The following SDF2 variants were observed in gnomAD, a reference collection of about 807,000 sequenced individuals.
The protein encoded by SDF2 is stromal cell derived factor 2, also known as stromal cell-derived factor 2.
Under a neutral mutation model 20.5 loss-of-function variants are expected in SDF2, and 12 were observed. That is an observed-to-expected ratio of 0.58 (90% CI 0.37 to 0.95). The LOEUF (loss-of-function observed/expected upper bound fraction) is 0.95. SDF2 is among the 40% of genes least tolerant of loss of function. The pLI is 0.01. For synonymous variants in SDF2, 100 were observed against 101.0 expected (o/e 0.99, Z 0.06); for missense variants, 238 against 263.1 (o/e 0.90, Z 0.66).
Position 28,655,418 on chromosome 17 carries a change from G to A in SDF2, c.217C>T (p.Arg73Trp), listed in dbSNP as rs1050769710. The A allele has an allele frequency of 1.5e-5, 25 of 1,613,934 alleles. No individual in the cohort carries two copies. Among genetic ancestry groups the A allele is most frequent in the Non-Finnish European group, 1.9e-5 (23 of 1,179,956 alleles). ...TCACACACTGTGGCACTCTTCCCCCGTATCCTCCAGTAACTGTTGCTGTCA... is the reference window on the plus strand; with the variant it reads ...TCACACACTGTGGCACTCTTCCCCCATATCCTCCAGTAACTGTTGCTGTCA... ...VDDSNSYWRI[R>W]GKSATVCERG... The change falls in exon 2 of 3, where the codon CGG (arginine) becomes TGG (tryptophan). Residue 73 changes from arginine (R) to tryptophan (W), a missense_variant. Transcript: ENST00000247020.
chr17:28,652,952 G>C (rs2071927473), intron 2 of SDF2, among the ~76,000 whole-genome samples: 1 of 152,006 alleles, frequency 6.6e-6, no homozygotes, highest in Admixed American at 6.6e-5. Flanking sequence ...TTATAACGAA[G>C]TATAAACTAT....
chr17:28,648,541 T>C lies in SDF2; in HGVS notation c.*448A>G, dbSNP rs1273232413. On this transcript the variant is annotated 3_prime_UTR_variant, in exon 3 of 3. Coordinates refer to ENST00000247020, the MANE Select transcript of SDF2 (RefSeq NM_006923.4). ...CCAAAGAGTCTTAGGACTCAAAGGA[T>C]TAAGCAGCTAATGAAATAGCACACC... The C allele has an allele frequency of 5.6e-6, 1 of 177,808 alleles. No individual in the cohort carries two copies. Among genetic ancestry groups the C allele is most frequent in the African/African-American group, 2.4e-5 (1 of 42,028 alleles). 11.0% of individuals were successfully genotyped at this position (177,808 alleles called of 1,614,324 possible).
At chr17:28,655,951 G>A (rs775804417) in intron 1 of SDF2, 1 of 160,516 alleles carries the variant, frequency 6.2e-6, no homozygotes, top group Non-Finnish European at 1.4e-5. Flanking sequence ...TTCAGGCCAA[G>A]GATGTGACTG....
chr17:28,656,421 T>G (rs1340259171), intron 1 of SDF2: 1 of 151,724 alleles, frequency 6.6e-6, no homozygotes, highest in African/African-American at 2.4e-5. Flanking sequence ...AAACCCATCT[T>G]TACTAAAAAT....
In SDF2 at chr17:28,650,829, A is replaced by C. The variant is rs1175753212; in HGVS notation, c.349-1553T>G. ...AAAAAAAAAAAAAAAAAAAAAAAAA[A>C]AACAGTTAGGGTATCTTGCTCTGTT... On this transcript the variant is annotated intron_variant, in intron 2 of 2. Transcript: ENST00000247020. Among the ~76,000 whole-genome samples the C allele has an allele frequency of 3.3e-5, 5 of 151,520 alleles. No homozygotes were observed. In the East Asian group the frequency reaches 9.7e-4, roughly 29 times the overall value.
At position 28,657,364 on chromosome 17, in the gene SDF2, T is replaced by C. The variant is rs11657875; in HGVS notation, c.152-1881A>G. 8.1e-3 allele frequency among the ~76,000 whole-genome samples: 1,234 copies of C among 152,040 alleles called. 5 individuals are homozygous for C. The highest frequency in any genetic ancestry group is 0.013 in the Non-Finnish European group (874 of 67,980). On this transcript the variant is annotated intron_variant, in intron 1 of 2. Coordinates refer to ENST00000247020, the MANE Select transcript of SDF2 (RefSeq NM_006923.4). ...GAGTTCGAGACTAGCCTCAGCAACATAGCAAAATGCAGTCTCTAAACGTAC... is the reference window on the plus strand; with the variant it reads ...GAGTTCGAGACTAGCCTCAGCAACACAGCAAAATGCAGTCTCTAAACGTAC...
At chr17:28,661,943 A>C, upstream of SDF2, 1 of 1,546,662 alleles carries the variant, frequency 6.5e-7, no homozygotes, top group Non-Finnish European at 8.8e-7. Flanking sequence ...CCGGAAGCTA[A>C]TGGCGAAACC....
At chr17:28,651,479 G>A (rs1474388165) in intron 2 of SDF2, 2 of 152,242 alleles carry the variant, frequency 1.3e-5, no homozygotes, top group African/African-American at 2.4e-5. Context: ...CTGGGAGTCA[G>A]GCTGACCTTG....
chr17:28,660,580 C>A (rs531599545), intron 1 of SDF2: 1 of 152,476 alleles, frequency 6.6e-6, no homozygotes, highest in Non-Finnish European at 1.5e-5. Context: ...CCTCTGTCCA[C>A]CTCCACTCTA....
chr17:28,654,429 T>G (rs1199103687), intron 2 of SDF2, among the ~76,000 whole-genome samples: 1 of 152,134 alleles, frequency 6.6e-6, no homozygotes. Flanking sequence ...TATGATATGC[T>G]GATGTATACC....
chr17:28,659,460 C>A (rs1200094500), intron 1 of SDF2, among the ~76,000 whole-genome samples: 1 of 143,396 alleles, frequency 7.0e-6, no homozygotes, highest in Non-Finnish European at 1.5e-5. Flanking sequence ...CTCCCCACTT[C>A]CCAGATGGGG....
At chr17:28,661,934 C>A, upstream of SDF2, 1 of 1,569,722 alleles carries the variant, frequency 6.4e-7, no homozygotes, top group South Asian at 1.1e-5. Context: ...TCCCCGGAAC[C>A]GGAAGCTAAT....
intron 2 of SDF2, among the ~76,000 whole-genome samples, chr17:28,654,265 C>A (rs1412815770): frequency 1.3e-5 from 2 of 151,896 alleles, no homozygotes; most frequent in African/African-American, 4.8e-5. Flanking sequence ...CACACTACAA[C>A]CTGGGTGACA....
chr17:28,661,961 G>C, upstream of SDF2: 1 of 1,472,224 alleles, frequency 6.8e-7, no homozygotes, highest in African/African-American at 1.4e-5. Context: ...ACCACGGAGA[G>C]AAGGAAGTGA....
chr17:28,655,770 A>G, intron 1 of SDF2: 1 of 465,886 alleles, frequency 2.1e-6, no homozygotes, highest in Non-Finnish European at 3.9e-6. Flanking sequence ...GAGCCTATGT[A>G]TGTCAAGCTA....
intron 1 of SDF2, among the ~76,000 whole-genome samples, chr17:28,658,293 T>C (rs1174240994): frequency 2.0e-5 from 3 of 149,970 alleles, no homozygotes; most frequent in Admixed American, 6.7e-5. Flanking sequence ...CATTCTTGGG[T>C]GTTTCTCGGA....
intron 2 of SDF2, 138 bp from the exon 3 acceptor site, chr17:28,649,414 T>G: frequency 1.3e-6 from 1 of 779,484 alleles, no homozygotes; most frequent in East Asian, 2.6e-5. Context: ...ATCCTACCAC[T>G]TTGGGAAGCT....
At chr17:28,656,415 C>A (rs1358739317) in intron 1 of SDF2, 1 of 151,946 alleles carries the variant, frequency 6.6e-6, no homozygotes, top group Non-Finnish European at 1.5e-5. Flanking sequence ...TGGCAAAAAC[C>A]CATCTTTACT....
intron 2 of SDF2, chr17:28,651,533 G>C (rs533398237): frequency 6.6e-6 from 1 of 152,154 alleles, no homozygotes; most frequent in African/African-American, 2.4e-5. Flanking sequence ...TTGAGCCTTT[G>C]TTTTCTCCTC....
Sources: gnomAD v4.1 joint callset for allele counts (sites outside exome capture counted in the v4.1 genomes callset) on GRCh38, gnomAD v4.1.1 for gene constraint, MANE v1.5 for transcripts, NCBI Gene and HGNC (gene_info 2026-07-23, HGNC 2026-07-21) for gene names.